The following TMPRSS11F variants were observed in gnomAD, a reference collection of about 807,000 sequenced individuals.
TMPRSS11F encodes the protein transmembrane serine protease 11F, also known as transmembrane protease serine 11F.
A neutral mutation model predicts 60.2 loss-of-function variants in TMPRSS11F; 47 were observed. The ratio of observed to expected loss-of-function variants is 0.78; its 90% confidence interval spans 0.62 to 1.00. TMPRSS11F has a LOEUF of 1.00. Ranked by LOEUF, TMPRSS11F falls within the 50% of genes least tolerant of loss-of-function variation. The pLI is 0.00. For synonymous variants in TMPRSS11F, 166 were observed against 167.3 expected, an observed-to-expected ratio of 0.99 and a Z score of 0.06; for missense variants, 519 against 522.9, an observed-to-expected ratio of 0.99 and a Z score of 0.07.
rs558565440 is a variant in TMPRSS11F, at chr4:68,062,342, C to G, written c.1015+2343G>C. On this transcript the variant is annotated intron_variant, in intron 8 of 9. Coordinates refer to ENST00000356291, the MANE Select transcript of TMPRSS11F (RefSeq NM_207407.2). Reference sequence around the variant, plus strand: ...ATGATAATGTACGTTTCTCAGTTTCCCAAACAAGCTCTATCAGATACACAT... The same window carrying G: ...ATGATAATGTACGTTTCTCAGTTTCGCAAACAAGCTCTATCAGATACACAT... 6.4e-6 allele frequency: 3 copies of G among 465,612 alleles called. No individual in the cohort carries two copies. The East Asian group carries it at 1.8e-4, about 28-fold the overall frequency. 28.8% of individuals were successfully genotyped at this position (465,612 alleles called of 1,614,324 possible). A position where few individuals can be genotyped will look rare whatever the true frequency, so the allele number is the denominator to read the frequency against.
intron 1 of TMPRSS11F, among the ~76,000 whole-genome samples, chr4:68,121,164 G>A (rs1448518867): frequency 6.6e-6 from 1 of 152,118 alleles, no homozygotes; most frequent in Non-Finnish European, 1.5e-5. Flanking sequence ...TCTATGAGAT[G>A]TCTCAATGGC....
chr4:68,079,974 G>A (rs1234259299), intron 3 of TMPRSS11F: 1 of 152,246 alleles, frequency 6.6e-6, no homozygotes, highest in Non-Finnish European at 1.5e-5. Context: ...AGTAGTTACT[G>A]TATGCCAGGT....
At chr4:68,065,768 A>G (rs904929493) in intron 7 of TMPRSS11F, among the ~76,000 whole-genome samples, 1 of 15,604 alleles carries the variant, frequency 6.4e-5, no homozygotes, top group Non-Finnish European at 3.5e-4. Flanking sequence ...TAAATGTAAT[A>G]AAAAAAAAAA....
chr4:68,118,451 A>G (rs1430464241), intron 1 of TMPRSS11F, among the ~76,000 whole-genome samples: 1 of 152,200 alleles, frequency 6.6e-6, no homozygotes, highest in Non-Finnish European at 1.5e-5. Context: ...TTAAAAAAAT[A>G]CTATAACTCA....
Position 68,062,761 on chromosome 4 carries a change from T to C in TMPRSS11F, c.1015+1924A>G, listed in dbSNP as rs764895180. 5.4e-6 allele frequency: 4 copies of C among 742,418 alleles called. No individual in the cohort carries two copies. In the East Asian group the frequency reaches 7.7e-5, roughly 14 times the overall value. The allele number at this position is 742,418 out of a possible 1,614,324, so 46.0% of individuals were successfully genotyped here. ...CTTTGAAAACAAAAGTTTCCTTGTA[T>C]ACTGGATTTGGCCGCCCTCTGCGGA... On this transcript the variant is annotated intron_variant, in intron 8 of 9. Transcript: ENST00000356291.
chr4:68,075,777 G>A (rs961333037), intron 3 of TMPRSS11F, among the ~76,000 whole-genome samples: 1 of 152,072 alleles, frequency 6.6e-6, no homozygotes, highest in African/African-American at 2.4e-5. Flanking sequence ...GGTGGATCAT[G>A]AGGTCAGGAG....
In TMPRSS11F at chr4:68,124,236, C is replaced by A. The variant is rs889420346; in HGVS notation, c.11+5574G>T. ...ACTCTGTCTTAAAAAAAAAAAAAAA[C>A]AAACCTTTATCAAGATAAAGCTGTA... On this transcript the variant is annotated intron_variant, in intron 1 of 9. Coordinates refer to ENST00000356291, the MANE Select transcript of TMPRSS11F (RefSeq NM_207407.2). Among the ~76,000 whole-genome samples the A allele has an allele frequency of 2.1e-3, 283 of 136,508 alleles. 2 individuals carry two copies. The highest frequency in any genetic ancestry group is 6.7e-3 in the African/African-American group (244 of 36,594). The allele number at this position is 136,508 out of a possible 152,430, so 89.6% of individuals were successfully genotyped here.
intron 7 of TMPRSS11F, 89 bp from the exon 8 acceptor site, chr4:68,065,033 T>C: frequency 1.5e-6 from 2 of 1,301,042 alleles, no homozygotes; most frequent in Non-Finnish European, 2.1e-6. Context: ...CTGTCAGTAT[T>C]ATGCTCCTGA....
At chr4:68,067,993 G>A (rs1723365915) in intron 7 of TMPRSS11F, among the ~76,000 whole-genome samples, 1 of 152,204 alleles carries the variant, frequency 6.6e-6, no homozygotes, top group Non-Finnish European at 1.5e-5. Context: ...TGTACATGAA[G>A]TGACACAGCT....
At chr4:68,096,687 T>A (rs1401506127) in intron 2 of TMPRSS11F, among the ~76,000 whole-genome samples, 1 of 152,210 alleles carries the variant, frequency 6.6e-6, no homozygotes, top group Non-Finnish European at 1.5e-5. Flanking sequence ...GTCAGAATTA[T>A]AATGCACTGA....
chr4:68,127,105 C>CT (rs1206077220), intron 1 of TMPRSS11F, among the ~76,000 whole-genome samples: 1 of 152,116 alleles, frequency 6.6e-6, no homozygotes, highest in Non-Finnish European at 1.5e-5. Context: ...GAAATTTAAC[C>CT]TGGTGCAAAA....
intron 2 of TMPRSS11F, among the ~76,000 whole-genome samples, chr4:68,096,613 A>G (rs1040132643): frequency 6.6e-6 from 1 of 152,186 alleles, no homozygotes; most frequent in Non-Finnish European, 1.5e-5. Flanking sequence ...ACCATATTCA[A>G]AAGTCACTGA....
intron 9 of TMPRSS11F, among the ~76,000 whole-genome samples, chr4:68,057,157 T>G (rs531881311): frequency 6.6e-6 from 1 of 151,686 alleles, no homozygotes; most frequent in Admixed American, 6.6e-5. Flanking sequence ...TGGTGGCACA[T>G]GCCTGTAGTC....
At position 68,111,681 on chromosome 4, in the gene TMPRSS11F, T is replaced by A. The variant is rs1024544485; in HGVS notation, c.12-12643A>T. ...AATGAAATTTGTGTTATTTCTCCTTTGCAATATTTTTCTGCCAGCATGGTG... is the reference window on the plus strand; with the variant it reads ...AATGAAATTTGTGTTATTTCTCCTTAGCAATATTTTTCTGCCAGCATGGTG... On this transcript the variant is annotated intron_variant, in intron 1 of 9. Coordinates refer to ENST00000356291, the MANE Select transcript of TMPRSS11F (RefSeq NM_207407.2). Among the ~76,000 whole-genome samples the A allele has an allele frequency of 3.3e-5, 5 of 152,188 alleles. No individual in the cohort carries two copies. In the East Asian group the frequency reaches 9.6e-4, roughly 29 times the overall value.
chr4:68,092,718 T>C (rs527804082), intron 2 of TMPRSS11F, among the ~76,000 whole-genome samples: 7 of 127,118 alleles, frequency 5.5e-5, no homozygotes, highest in Non-Finnish European at 1.1e-4. Flanking sequence ...TAAAGTTTTA[T>C]TACAAAAAAA....
chr4:68,100,251 G>A (rs1303626992), intron 1 of TMPRSS11F, among the ~76,000 whole-genome samples: 1 of 152,114 alleles, frequency 6.6e-6, no homozygotes. Context: ...AGAGCTGGTG[G>A]ACTGGGAGTC....
intron 8 of TMPRSS11F, among the ~76,000 whole-genome samples, chr4:68,061,066 T>C (rs1041339632): frequency 1.5e-5 from 1 of 65,826 alleles, no homozygotes; most frequent in African/African-American, 3.1e-5. Context: ...ACATACTCTA[T>C]TTAATAAAGT....
At chr4:68,111,398 T>A (rs944590326) in intron 1 of TMPRSS11F, among the ~76,000 whole-genome samples, 2 of 152,150 alleles carry the variant, frequency 1.3e-5, no homozygotes, top group African/African-American at 4.8e-5. Flanking sequence ...GGCCCAATAC[T>A]TGTAGACAGC....
intron 1 of TMPRSS11F, among the ~76,000 whole-genome samples, chr4:68,106,985 T>C (rs1298178025): frequency 1.3e-5 from 2 of 152,182 alleles, no homozygotes; most frequent in African/African-American, 4.8e-5. Flanking sequence ...TCTCATGCTA[T>C]GGTATCAGCA....
Sources: allele counts gnomAD v4.1 joint callset (sites outside exome capture counted in the v4.1 genomes callset), GRCh38; gene constraint gnomAD v4.1.1; transcripts MANE v1.5; gene names NCBI Gene and HGNC (gene_info 2026-07-23, HGNC 2026-07-21).